The following TG variants were observed in gnomAD, a reference collection of about 807,000 sequenced individuals.
The protein encoded by TG is thyroid hormones.
In TG, 270 loss-of-function variants were observed where a neutral mutation model predicts 324.7. The observed-to-expected ratio is 0.83, with a 90% CI of 0.75 to 0.92. TG has a LOEUF of 0.92. TG is among the 40% of genes least tolerant of loss of function. TG has a pLI of 0.00. For synonymous variants in TG, 1,401 were observed against 1,327.0 expected, an observed-to-expected ratio of 1.06 and a Z score of -1.21; for missense variants, 3,591 against 3,456.4, an observed-to-expected ratio of 1.04 and a Z score of -0.98.
intron 5 of TG, among the ~76,000 whole-genome samples, chr8:132,873,940 G>T (rs916011910): frequency 6.6e-5 from 10 of 152,154 alleles, no homozygotes; most frequent in Admixed American, 2.0e-4. Flanking sequence ...GGAGGCTGAG[G>T]TGGGCAGATC....
chr8:133,085,761 T>C (rs1340852001), intron 41 of TG, among the ~76,000 whole-genome samples: 1 of 152,232 alleles, frequency 6.6e-6, no homozygotes, highest in African/African-American at 2.4e-5. Flanking sequence ...CATTCTTTTA[T>C]TGCTGGTGGG....
chr8:133,120,728 T>A (rs1232049150), intron 45 of TG, among the ~76,000 whole-genome samples: 1 of 152,220 alleles, frequency 6.6e-6, no homozygotes, highest in Admixed American at 6.5e-5. Flanking sequence ...ATAAAGATTC[T>A]ATCTCTAAAT....
intron 35 of TG, chr8:133,003,343 T>C (rs1255662203): frequency 6.6e-6 from 1 of 151,828 alleles, no homozygotes; most frequent in Non-Finnish European, 1.5e-5. Flanking sequence ...TTAGTATCCA[T>C]TAAAAAAGGG....
At chr8:133,061,714 A>G (rs1280709896) in intron 41 of TG, among the ~76,000 whole-genome samples, 1 of 152,160 alleles carries the variant, frequency 6.6e-6, no homozygotes, top group Non-Finnish European at 1.5e-5. Flanking sequence ...GCAGCTCAGG[A>G]TCAAACCTTA....
At chr8:133,039,533 A>G (rs1474544733) in intron 41 of TG, among the ~76,000 whole-genome samples, 1 of 152,218 alleles carries the variant, frequency 6.6e-6, no homozygotes, top group African/African-American at 2.4e-5. Context: ...CAGGCTGACA[A>G]TGGAATAAAC....
At chr8:133,082,090 C>T (rs1333503727) in intron 41 of TG, among the ~76,000 whole-genome samples, 1 of 152,182 alleles carries the variant, frequency 6.6e-6, no homozygotes, top group Non-Finnish European at 1.5e-5. Context: ...AGACAAAAGA[C>T]AAAGTCTTCC....
chr8:132,868,089 T>C lies in TG; in HGVS notation c.68-26T>C, dbSNP rs180203. ...CTGGCAGCCCAGTCCACACTCTTCT[T>C]TGATGAACCACTTTTCTTTTCCTAG... On this transcript the variant is annotated intron_variant, in intron 1 of 47. Coordinates refer to ENST00000220616, the MANE Select transcript of TG (RefSeq NM_003235.5). The C allele has an allele frequency of 0.99, 1,597,013 of 1,610,584 alleles. 791,804 individuals are homozygous for C. Among genetic ancestry groups the C allele is most frequent in the East Asian group, 1 (44,860 of 44,860 alleles).
At chr8:132,898,326 G>A (rs1817420468) in intron 13 of TG, 80 bp downstream of exon 13, 7 of 1,354,642 alleles carry the variant, frequency 5.2e-6, no homozygotes, top group Non-Finnish European at 5.2e-6. Context: ...TTGCCTAACC[G>A]CTGGAGACTC....
chr8:132,919,056 A>G (rs879522031), intron 20 of TG, among the ~76,000 whole-genome samples: 3 of 152,156 alleles, frequency 2.0e-5, no homozygotes, highest in Non-Finnish European at 4.4e-5. Context: ...TATTTGGCAA[A>G]TTCTCAAGAA....
intron 41 of TG, chr8:133,044,945 T>C: frequency 6.2e-7 from 1 of 1,610,048 alleles, no homozygotes. Flanking sequence ...CTAAGAGGGG[T>C]CCCACCATCA....
chr8:132,998,095 A>C (rs1378315885), intron 35 of TG, among the ~76,000 whole-genome samples: 1 of 152,136 alleles, frequency 6.6e-6, no homozygotes, highest in Non-Finnish European at 1.5e-5. Context: ...AGGGGTGAGG[A>C]AGAATGAGCT....
intron 27 of TG, among the ~76,000 whole-genome samples, chr8:132,960,149 A>C (rs1401683204): frequency 6.6e-6 from 1 of 152,232 alleles, no homozygotes; most frequent in Non-Finnish European, 1.5e-5. Flanking sequence ...ACGTATACCT[A>C]TGTAACAAAC....
chr8:132,920,652 A>T (rs1218724927), intron 21 of TG, among the ~76,000 whole-genome samples: 1 of 152,200 alleles, frequency 6.6e-6, no homozygotes, highest in African/African-American at 2.4e-5. Context: ...AAGAAGATTA[A>T]TGTAGTGTGC....
rs201833740 is a variant in TG at position 132,887,523 on chromosome 8, A to T, written c.2151A>T (p.Arg717=). ...DAEGQAIPGT[R]SAIGKPKKCP... is the part of the protein sequence containing the mutation. The stretch of plus-strand genomic sequence containing the variant: ...AGGGTCAGGCCATTCCTGGAACTCG[A>T]AGTGCAATAGGGAAGCCCAAGAAAT... The change falls in exon 9 of 48, where the codon CGA becomes CGT. Residue 717 remains arginine (R), a synonymous_variant. Coordinates refer to ENST00000220616, the MANE Select transcript of TG (RefSeq NM_003235.5). 1.9e-6 allele frequency: 3 copies of T among 1,614,064 alleles called. No homozygotes were observed. The Admixed American group carries it at 5.0e-5, about 27-fold the overall frequency.
rs747759006 is a variant in TG at position 133,017,771 on chromosome 8, C to G, written c.6563-7C>G. 1.9e-6 allele frequency: 3 copies of G among 1,614,016 alleles called. No homozygotes were observed. Among genetic ancestry groups the G allele is most frequent in the Non-Finnish European group, 2.5e-6 (3 of 1,179,930 alleles). On this transcript the variant is annotated splice_polypyrimidine_tract_variant and splice_region_variant and intron_variant, in intron 37 of 47. Coordinates refer to ENST00000220616, the MANE Select transcript of TG (RefSeq NM_003235.5). ...TCCTCACCCCTTTCTCTTCCCTTTC[C>G]CAACAGGAATCTCTCTGCTCAGCTA...
chr8:133,043,890 T>C (rs900368253), intron 41 of TG, among the ~76,000 whole-genome samples: 5 of 152,206 alleles, frequency 3.3e-5, no homozygotes, highest in Admixed American at 1.3e-4. Flanking sequence ...GCAACCTCTT[T>C]CTTTCCTCCC....
chr8:133,091,923 G>A (rs1039696042), intron 41 of TG, among the ~76,000 whole-genome samples: 3 of 151,458 alleles, frequency 2.0e-5, no homozygotes, highest in South Asian at 2.1e-4. Context: ...CTGTGGCTAC[G>A]TCTGTGTGTG....
intron 45 of TG, among the ~76,000 whole-genome samples, chr8:133,127,710 A>G (rs1353590488): frequency 1.3e-5 from 2 of 152,086 alleles, no homozygotes; most frequent in Non-Finnish European, 2.9e-5. Flanking sequence ...ATTTTTCTGG[A>G]CTAGAAAAAG....
chr8:133,055,845 GC>G lies in TG; in HGVS notation c.7239+25823del, dbSNP rs1211145581. 9.4e-4 allele frequency among the ~76,000 whole-genome samples: 11 copies of G among 11,704 alleles called. No homozygotes were observed. The African/African-American group carries it at 0.017, about 19-fold the overall frequency. 7.7% of individuals were successfully genotyped at this position (11,704 alleles called of 152,430 possible). A position where few individuals can be genotyped will look rare whatever the true frequency, so the allele number is the denominator to read the frequency against. Reference sequence around the variant, plus strand: ...ATCACCAGCAGCAGCAGCAGCAGCAGCAGCAGCAGCAGCAGCAGCAGCAGCA... The same window carrying G: ...ATCACCAGCAGCAGCAGCAGCAGCAGAGCAGCAGCAGCAGCAGCAGCAGCA... On this transcript the variant is annotated intron_variant, in intron 41 of 47. Coordinates refer to ENST00000220616, the MANE Select transcript of TG (RefSeq NM_003235.5).
Sources: allele counts gnomAD v4.1 joint callset (sites outside exome capture counted in the v4.1 genomes callset), GRCh38; gene constraint gnomAD v4.1.1; transcripts MANE v1.5; gene names NCBI Gene and HGNC (gene_info 2026-07-23, HGNC 2026-07-21).